ABCC8: variants seen among roughly 807,000 people sequenced by gnomAD.
The protein encoded by ABCC8 is ATP-binding cassette sub-family C member 8.
A neutral mutation model predicts 188.0 loss-of-function variants in ABCC8; 137 were observed. The observed-to-expected ratio is 0.73, with a 90% CI of 0.63 to 0.84. The LOEUF is 0.84. Ranked by LOEUF, ABCC8 falls within the 40% of genes least tolerant of loss-of-function variation. ABCC8 has a pLI of 0.00. For missense variants in ABCC8, 1,750 were observed against 2,072.7 expected (o/e 0.84, Z 3.02); for synonymous variants, 797 against 846.5 (o/e 0.94, Z 1.01).
chr11:17,430,160 T>G (rs1257203156), intron 12 of ABCC8: 1 of 158,820 alleles, frequency 6.3e-6, no homozygotes, highest in Non-Finnish European at 1.4e-5. Context: ...GGACATCTTC[T>G]CACTCCAGAC....
intron 7 of ABCC8, among the ~76,000 whole-genome samples, chr11:17,449,853 A>G (rs1021992025): frequency 3.9e-5 from 6 of 152,144 alleles, no homozygotes; most frequent in Non-Finnish European, 7.3e-5. Flanking sequence ...AAAATAATGA[A>G]CCTATTCTGT....
chr11:17,449,832 G>A (rs1348365229), intron 7 of ABCC8, among the ~76,000 whole-genome samples: 1 of 152,120 alleles, frequency 6.6e-6, no homozygotes, highest in East Asian at 1.9e-4. Context: ...TATACACCAT[G>A]GGCAAGGTTT....
intron 9 of ABCC8, 47 bp downstream of exon 9, chr11:17,443,131 G>A (rs368851948): frequency 1.9e-6 from 3 of 1,603,700 alleles, no homozygotes; most frequent in South Asian, 1.1e-5. Context: ...TGCTGTCGAG[G>A]GAAGGAGGGG....
In ABCC8 at chr11:17,475,043, G is replaced by T; in HGVS notation, c.149-16C>A. 6.2e-7 allele frequency: 1 copy of T among 1,614,054 alleles called. No individual in the cohort carries two copies. Among genetic ancestry groups the T allele is most frequent in the Non-Finnish European group, 8.5e-7 (1 of 1,179,976 alleles). On this transcript the variant is annotated splice_polypyrimidine_tract_variant and intron_variant, in intron 1 of 38. Coordinates refer to ENST00000389817, the MANE Select transcript of ABCC8 (RefSeq NM_000352.6). ...CTTCCCCATCCTGCAGGGAGAGACA[G>T]TCAGAGGCAGGATGCCTGCCCACTT...
intron 8 of ABCC8, among the ~76,000 whole-genome samples, chr11:17,445,205 G>A (rs1003873337): frequency 8.5e-5 from 13 of 152,166 alleles, no homozygotes; most frequent in African/African-American, 2.4e-5. Flanking sequence ...ATGTCAGGGG[G>A]GCACCCATGA....
At position 17,432,950 on chromosome 11, in the gene ABCC8, T is replaced by C. The variant is rs931436806; in HGVS notation, c.1631-706A>G. ...TAGGGCATGTCATTTACCTTCCCCG[T>C]GCCTCAGTTTCCTCATATGATTTTT... On this transcript the variant is annotated intron_variant, in intron 10 of 38. Coordinates refer to ENST00000389817, the MANE Select transcript of ABCC8 (RefSeq NM_000352.6). Among the ~76,000 whole-genome samples the C allele has an allele frequency of 2.0e-5, 3 of 152,220 alleles. No individual in the cohort carries two copies. The East Asian group carries it at 5.8e-4, about 29-fold the overall frequency.
chr11:17,473,051 A>T (rs1848565741), intron 2 of ABCC8, among the ~76,000 whole-genome samples: 1 of 152,210 alleles, frequency 6.6e-6, no homozygotes, highest in Non-Finnish European at 1.5e-5. Flanking sequence ...TTAAGTTGGC[A>T]ACTAAAATGT....
intron 3 of ABCC8, among the ~76,000 whole-genome samples, chr11:17,463,824 T>G (rs1162685310): frequency 6.6e-6 from 1 of 152,170 alleles, no homozygotes; most frequent in Non-Finnish European, 1.5e-5. Context: ...AATAATCTCA[T>G]AAATCAAACT....
chr11:17,406,488 A>G (rs774032538), intron 26 of ABCC8, 134 bp downstream of exon 26: 5 of 972,110 alleles, frequency 5.1e-6, no homozygotes, highest in Non-Finnish European at 7.6e-6. Flanking sequence ...GGGCACTTTT[A>G]CACACACTGT....
chr11:17,418,635 A>G (rs1191412300), intron 16 of ABCC8, among the ~76,000 whole-genome samples: 1 of 152,110 alleles, frequency 6.6e-6, no homozygotes, highest in Non-Finnish European at 1.5e-5. Flanking sequence ...GTGGTTATTG[A>G]TGCATCTGTG....
intron 17 of ABCC8, among the ~76,000 whole-genome samples, chr11:17,416,284 G>A (rs1955070292): frequency 6.6e-6 from 1 of 152,114 alleles, no homozygotes; most frequent in Non-Finnish European, 1.5e-5. Context: ...GGGACTCAGA[G>A]CCTCATTAAT....
intron 14 of ABCC8, 114 bp from the exon 15 acceptor site, chr11:17,428,056 C>A (rs1955666226): frequency 6.3e-7 from 1 of 1,588,872 alleles, no homozygotes; most frequent in East Asian, 2.3e-5. Flanking sequence ...ATTCCAGCCC[C>A]TGGATCACTT....
chr11:17,398,569 T>C, intron 29 of ABCC8, 128 bp from the exon 30 acceptor site: 1 of 1,532,322 alleles, frequency 6.5e-7, no homozygotes, highest in South Asian at 1.2e-5. Flanking sequence ...GGCCACTTCA[T>C]GTAAGCTATC....
At position 17,448,563 on chromosome 11, in the gene ABCC8, T is replaced by G; in HGVS notation, c.1285A>C (p.Met429Leu). The G allele has an allele frequency of 6.2e-7, 1 of 1,614,164 alleles. No homozygotes were observed. The highest frequency in any genetic ancestry group is 8.5e-7 in the Non-Finnish European group (1 of 1,180,028). The change falls in exon 8 of 39, where the codon ATG becomes CTG. Residue 429 changes from methionine (M) to leucine (L), a missense_variant. Transcript: ENST00000389817. ...TTTGGGCACAAGAAGAAAAACCACA[T>G]GAGCTGATTGGTGTCGATGGCAACC... Reference protein sequence around the residue: ...NLVAIDTNQLMWFFFLCPNLW... With the variant: ...NLVAIDTNQLLWFFFLCPNLW...
chr11:17,441,899 G>A (rs1199589382), intron 10 of ABCC8, among the ~76,000 whole-genome samples: 4 of 152,070 alleles, frequency 2.6e-5, no homozygotes, highest in Non-Finnish European at 5.9e-5. Context: ...GGCCAATATG[G>A]TGAAACTCTG....
chr11:17,463,041 C>A (rs978945041), intron 4 of ABCC8, among the ~76,000 whole-genome samples: 3 of 152,034 alleles, frequency 2.0e-5, no homozygotes, highest in Non-Finnish European at 2.9e-5. Context: ...GAGGCGGGAG[C>A]AAACAGAAAG....
intron 10 of ABCC8, among the ~76,000 whole-genome samples, chr11:17,437,685 AC>A (rs1956160514): frequency 6.6e-6 from 1 of 152,096 alleles, no homozygotes; most frequent in Admixed American, 6.5e-5. Flanking sequence ...ACTGATCTTT[AC>A]CTCCTTAATT....
chr11:17,450,290 CTTTCTTTCTTTCTTTCTT>C (rs1956729045), intron 7 of ABCC8, among the ~76,000 whole-genome samples: 2 of 134,730 alleles, frequency 1.5e-5, no homozygotes, highest in African/African-American at 6.5e-5. Flanking sequence ...TTCTTTCTTT[CTTTCTTTCTTTCTTTCTT>C]TCTTTCTTTC....
At chr11:17,402,538 C>A in intron 29 of ABCC8, 123 bp downstream of exon 29, 1 of 1,578,430 alleles carries the variant, frequency 6.3e-7, no homozygotes, top group Non-Finnish European at 8.6e-7. Flanking sequence ...GGACCTGAGG[C>A]AGCTTGAGAG....
Sources: gnomAD v4.1 joint callset for allele counts (sites outside exome capture counted in the v4.1 genomes callset) on GRCh38, gnomAD v4.1.1 for gene constraint, MANE v1.5 for transcripts, NCBI Gene and HGNC (gene_info 2026-07-23, HGNC 2026-07-21) for gene names.